The following BPGM variants were observed in gnomAD, a reference collection of about 807,000 sequenced individuals.
BPGM encodes 2,3-bisphosphoglycerate mutase, erythrocyte.
Under a neutral mutation model 21.6 loss-of-function variants are expected in BPGM, and 15 were observed. The observed-to-expected ratio is 0.70, with a 90% CI of 0.47 to 1.07. The LOEUF (loss-of-function observed/expected upper bound fraction) is 1.07. Ranked by LOEUF, BPGM falls within the 50% of genes least tolerant of loss-of-function variation. The probability of loss-of-function intolerance (pLI) is 0.00; values close to 1 mark genes in which losing one functional copy is unlikely to be tolerated. For missense variants in BPGM, 273 were observed against 319.0 expected (o/e 0.86, Z 1.10); for synonymous variants, 113 against 116.2 (o/e 0.97, Z 0.18).
intron 1 of BPGM, among the ~76,000 whole-genome samples, chr7:134,653,655 C>A (rs1459232204): frequency 6.6e-6 from 1 of 152,098 alleles, no homozygotes; most frequent in African/African-American, 2.4e-5. Context: ...CCAAATGGGA[C>A]ACTTAAGTGT....
chr7:134,669,689 T>C (rs922904079), intron 2 of BPGM, among the ~76,000 whole-genome samples: 1 of 152,246 alleles, frequency 6.6e-6, no homozygotes, highest in African/African-American at 2.4e-5. Flanking sequence ...GACTTATTTA[T>C]ATAATATCTC....
intron 2 of BPGM, among the ~76,000 whole-genome samples, chr7:134,671,884 A>G (rs1024624260): frequency 1.3e-5 from 2 of 152,188 alleles, no homozygotes; most frequent in Non-Finnish European, 2.9e-5. Context: ...TGGATCAAAC[A>G]TTGTTCCTGC....
chr7:134,662,688 C>T (rs896685267), intron 2 of BPGM, among the ~76,000 whole-genome samples: 1 of 152,136 alleles, frequency 6.6e-6, no homozygotes, highest in South Asian at 2.1e-4. Context: ...TTGTTTCAAA[C>T]TTCTTTTCAG....
intron 2 of BPGM, among the ~76,000 whole-genome samples, chr7:134,664,977 G>A (rs567412797): frequency 1.3e-5 from 2 of 152,330 alleles, no homozygotes; most frequent in Admixed American, 1.3e-4. Flanking sequence ...GATGGGTACA[G>A]AGTTTCTTGT....
At chr7:134,677,531 C>T (rs1251102261) in intron 2 of BPGM, among the ~76,000 whole-genome samples, 1 of 152,170 alleles carries the variant, frequency 6.6e-6, no homozygotes, top group Non-Finnish European at 1.5e-5. Flanking sequence ...TCCAGTGCTA[C>T]GATTCTGTGA....
chr7:134,648,186 A>C (rs1795496404), intron 1 of BPGM, among the ~76,000 whole-genome samples: 1 of 141,796 alleles, frequency 7.1e-6, no homozygotes, highest in Admixed American at 7.2e-5. Flanking sequence ...CCCAGGCTGG[A>C]GTGCAATGGC....
intron 1 of BPGM, among the ~76,000 whole-genome samples, chr7:134,650,097 A>G (rs1005026603): frequency 8.5e-5 from 13 of 152,244 alleles, no homozygotes; most frequent in African/African-American, 2.7e-4. Context: ...AGTTAAGATC[A>G]CATTGTCAGT....
intron 2 of BPGM, among the ~76,000 whole-genome samples, chr7:134,672,615 T>C (rs1330266079): frequency 2.0e-5 from 3 of 152,130 alleles, no homozygotes; most frequent in African/African-American, 7.2e-5. Context: ...CCTGGAACAA[T>C]ATGGATTTGA....
At position 134,662,019 on chromosome 7, in the gene BPGM, A is replaced by G. The variant is rs371151871; in HGVS notation, c.512A>G (p.Glu171Gly). The G allele has an allele frequency of 1.4e-4, 224 of 1,614,046 alleles. No homozygotes were observed. Among genetic ancestry groups the G allele is most frequent in the Non-Finnish European group, 1.8e-4 (212 of 1,180,012 alleles). Residue 171 changes from glutamate to glycine, a missense_variant, in exon 2 of 3, where the codon GAA becomes GGA. By Grantham distance (98) the Glu-to-Gly change is moderately conservative. Transcript: ENST00000344924. The stretch of plus-strand genomic sequence containing the variant: ...GAGAGACTCCTTCCCTATTGGAATG[A>G]AAGGATTGCTCCCGAAGTATTACGT... ...VLERLLPYWN[E>G]RIAPEVLRGK... is the part of the protein sequence containing the mutation.
chr7:134,652,981 G>A (rs888846924), intron 1 of BPGM, among the ~76,000 whole-genome samples: 1 of 152,126 alleles, frequency 6.6e-6, no homozygotes, highest in Non-Finnish European at 1.5e-5. Flanking sequence ...CTTTCTTTTG[G>A]ATGTATACCC....
At chr7:134,656,307 A>G (rs1274064762) in intron 1 of BPGM, among the ~76,000 whole-genome samples, 7 of 152,216 alleles carry the variant, frequency 4.6e-5, no homozygotes, top group Non-Finnish European at 8.8e-5. Flanking sequence ...GCTGGTTCAC[A>G]TTGAGATATG....
chr7:134,670,629 T>C (rs1795888977), intron 2 of BPGM, among the ~76,000 whole-genome samples: 2 of 151,780 alleles, frequency 1.3e-5, no homozygotes, highest in Admixed American at 1.3e-4. Context: ...AAATTAAAAA[T>C]AGATCATTTA....
intron 1 of BPGM, among the ~76,000 whole-genome samples, chr7:134,653,348 C>G (rs953364238): frequency 6.6e-6 from 1 of 152,138 alleles, no homozygotes; most frequent in Non-Finnish European, 1.5e-5. Flanking sequence ...TCCTTCATCT[C>G]ACTTAAACGG....
Position 134,661,493 on chromosome 7 carries a change from A to G in BPGM, c.-15A>G, listed in dbSNP as rs774166491. 6.2e-7 allele frequency: 1 copy of G among 1,614,112 alleles called. No individual in the cohort carries two copies. The highest frequency in any genetic ancestry group is 1.7e-5 in the Admixed American group (1 of 60,028). On this transcript the variant is annotated 5_prime_UTR_variant, in exon 2 of 3. Coordinates refer to ENST00000344924, the MANE Select transcript of BPGM (RefSeq NM_001724.5). This position sits in a 1 kb window ranked among gnomAD's most constrained non-coding sequence, Gnocchi z 4.6. ...TTAGCCCATTTGAAAACGCCTGGGA[A>G]GTTCAGCCATCAGTATGTCCAAGTA...
chr7:134,648,766 A>C (rs952936190), intron 1 of BPGM, among the ~76,000 whole-genome samples: 1 of 151,910 alleles, frequency 6.6e-6, no homozygotes, highest in Non-Finnish European at 1.5e-5. Flanking sequence ...TGCAACCTCC[A>C]CCTCTGCCTC....
At chr7:134,666,784 C>A (rs1351628566) in intron 2 of BPGM, among the ~76,000 whole-genome samples, 1 of 152,176 alleles carries the variant, frequency 6.6e-6, no homozygotes, top group African/African-American at 2.4e-5. Context: ...CTCTAAATGT[C>A]AATCTGTGTT....
intron 2 of BPGM, among the ~76,000 whole-genome samples, chr7:134,662,383 G>A (rs919107652): frequency 2.6e-5 from 4 of 152,170 alleles, no homozygotes; most frequent in Non-Finnish European, 5.9e-5. Flanking sequence ...TCAGAGTTTC[G>A]GAATCAGTAG....
At position 134,661,921 on chromosome 7, in the gene BPGM, C is replaced by T. The variant is rs543243292; in HGVS notation, c.414C>T (p.Asn138=). 1.3e-5 allele frequency: 21 copies of T among 1,612,644 alleles called. No homozygotes were observed. The highest frequency in any genetic ancestry group is 1.7e-4 in the Middle Eastern group (1 of 6,054). The change falls in exon 2 of 3, where the codon AAC becomes AAT. Residue 138 remains asparagine (N), a synonymous_variant. Coordinates refer to ENST00000344924, the MANE Select transcript of BPGM (RefSeq NM_001724.5). The surrounding 1 kb of genome is among the most constrained non-coding windows in gnomAD (Gnocchi z 4.6). ...ESHPYYQEIY[N]DRRYKVCDVP... is the part of the protein sequence containing the mutation. ...ATCCTTACTACCAAGAAATCTACAA[C>T]GACCGGAGGTATAAAGTATGCGATG...
Position 134,661,354 on chromosome 7 carries a change from G to C in BPGM, c.-61-93G>C. 7.3e-6 allele frequency: 8 copies of C among 1,092,730 alleles called. No homozygotes were observed. Among genetic ancestry groups the C allele is most frequent in the Non-Finnish European group, 1.1e-5 (8 of 749,566 alleles). The allele number at this position is 1,092,730 out of a possible 1,614,324, so 67.7% of individuals were successfully genotyped here. A position where few individuals can be genotyped will look rare whatever the true frequency, so the allele number is the denominator to read the frequency against. On this transcript the variant is annotated intron_variant, in intron 1 of 2. Transcript: ENST00000344924. This position sits in a 1 kb window ranked among gnomAD's most constrained non-coding sequence, Gnocchi z 4.6. ...TTTCTGACTGTTCAAAGGGATTTCA[G>C]TTTCTTTTAGAAATTGGGTGTTGTA...
Sources: allele counts gnomAD v4.1 joint callset (sites outside exome capture counted in the v4.1 genomes callset), GRCh38; gene constraint gnomAD v4.1.1; non-coding constraint Gnocchi (gnomAD v3.1); transcripts MANE v1.5; gene names NCBI Gene and HGNC (gene_info 2026-07-23, HGNC 2026-07-21).